PDC: variants seen among roughly 807,000 people sequenced by gnomAD.
PDC encodes the protein phosducin.
A neutral mutation model predicts 22.2 loss-of-function variants in PDC; 19 were observed. The ratio of observed to expected loss-of-function variants is 0.86; its 90% confidence interval spans 0.60 to 1.26. The LOEUF (loss-of-function observed/expected upper bound fraction) is 1.26, where lower values mean the gene tolerates loss of function less well. Among genes scored for constraint, PDC ranks in the 50% most tolerant of loss-of-function variants. The probability of loss-of-function intolerance (pLI) is 0.00; values close to 1 mark genes in which losing one functional copy is unlikely to be tolerated. For missense variants in PDC, 274 were observed against 286.8 expected, an observed-to-expected ratio of 0.96 and a Z score of 0.32; for synonymous variants, 97 against 96.2, an observed-to-expected ratio of 1.01 and a Z score of -0.05.
At chr1:186,446,346 G>T in intron 3 of PDC, 80 bp downstream of exon 3, 1 of 1,111,762 alleles carries the variant, frequency 9.0e-7, no homozygotes, top group Non-Finnish European at 1.3e-6. Context: ...TTTTGTAATA[G>T]TCTAAAGTGA....
Position 186,443,728 on chromosome 1 carries a change from C to A in PDC, c.*251G>T. On this transcript the variant is annotated 3_prime_UTR_variant, in exon 4 of 4. Coordinates refer to ENST00000391997, the MANE Select transcript of PDC (RefSeq NM_002597.5). Reference sequence around the variant, plus strand: ...CTTGAAAGGGATTTTTGAAAAATGTCATAATATTATCCACATCCTCTTTGT... The same window carrying A: ...CTTGAAAGGGATTTTTGAAAAATGTAATAATATTATCCACATCCTCTTTGT... 5.5e-6 allele frequency: 2 copies of A among 364,488 alleles called. No homozygotes were observed. The highest frequency in any genetic ancestry group is 4.2e-5 in the East Asian group (1 of 23,820). The allele number at this position is 364,488 out of a possible 1,614,324, so 22.6% of individuals were successfully genotyped here. A position where few individuals can be genotyped will look rare whatever the true frequency, so the allele number is the denominator to read the frequency against.
intron 1 of PDC, among the ~76,000 whole-genome samples, chr1:186,453,603 A>G (rs1431290695): frequency 6.6e-6 from 1 of 152,204 alleles, no homozygotes; most frequent in Non-Finnish European, 1.5e-5. Flanking sequence ...ATCCACAACA[A>G]CTTATAGCAT....
At position 186,446,509 on chromosome 1, in the gene PDC, G is replaced by A. The variant is rs766144039; in HGVS notation, c.130C>T (p.Pro44Ser). The change falls in exon 3 of 4, where the codon CCT (proline) becomes TCT (serine). Residue 44 changes from proline to serine, a missense_variant. Pro to Ser is a moderately conservative substitution (Grantham distance 74). Coordinates refer to ENST00000391997, the MANE Select transcript of PDC (RefSeq NM_002597.5). Reference sequence around the variant, plus strand: ...TGCCTGAGAATCTCCTTCTTGCTAGGTGGAATTGAATCACTGTCTTGACTC... The same window carrying A: ...TGCCTGAGAATCTCCTTCTTGCTAGATGGAATTGAATCACTGTCTTGACTC... ...LESQDSDSIP[P>S]SKKEILRQMS... is the part of the protein sequence containing the mutation. 3 of 1,602,360 alleles carry A rather than the reference G, an allele frequency of 1.9e-6. No individual in the cohort carries two copies. Among genetic ancestry groups the A allele is most frequent in the South Asian group, 1.1e-5 (1 of 90,268 alleles).
intron 1 of PDC, among the ~76,000 whole-genome samples, chr1:186,450,571 G>A (rs531917748): frequency 6.6e-6 from 1 of 151,872 alleles, no homozygotes; most frequent in Non-Finnish European, 1.5e-5. Context: ...GGCCTCAAGT[G>A]ATCCTCCCAT....
At chr1:186,444,554 C>T (rs1210165842) in intron 3 of PDC, 48 bp from the exon 4 acceptor site, 2 of 1,262,732 alleles carry the variant, frequency 1.6e-6, no homozygotes, top group Admixed American at 2.0e-5. Context: ...AGTTTTATTC[C>T]TTAGATATAC....
At chr1:186,445,820 A>G (rs911829286) in intron 3 of PDC, among the ~76,000 whole-genome samples, 33 of 152,152 alleles carry the variant, frequency 2.2e-4, no homozygotes, top group African/African-American at 7.7e-4. Context: ...TAATAATAAT[A>G]ATATTGTCCC....
chr1:186,455,068 C>G (rs1391675380), intron 1 of PDC, among the ~76,000 whole-genome samples: 3 of 152,104 alleles, frequency 2.0e-5, no homozygotes, highest in Admixed American at 2.0e-4. Flanking sequence ...TCTGCTAGGG[C>G]TGCTATAACG....
chr1:186,459,037 C>T (rs1302684411), intron 1 of PDC, among the ~76,000 whole-genome samples: 1 of 152,198 alleles, frequency 6.6e-6, no homozygotes, highest in African/African-American at 2.4e-5. Flanking sequence ...TGGTGGGTGC[C>T]TGTAGTCCCA....
chr1:186,452,756 A>G (rs1662378382), intron 1 of PDC, among the ~76,000 whole-genome samples: 1 of 152,220 alleles, frequency 6.6e-6, no homozygotes, highest in African/African-American at 2.4e-5. Context: ...TAAAATGACA[A>G]TAGGATTATT....
At chr1:186,453,916 T>G (rs1379746622) in intron 1 of PDC, among the ~76,000 whole-genome samples, 1 of 152,110 alleles carries the variant, frequency 6.6e-6, no homozygotes, top group Non-Finnish European at 1.5e-5. Flanking sequence ...TCTCCAAAAT[T>G]TCTATTTTTT....
chr1:186,452,615 GATAAA>G (rs1188067945), intron 1 of PDC, among the ~76,000 whole-genome samples: 1 of 152,076 alleles, frequency 6.6e-6, no homozygotes, highest in East Asian at 1.9e-4. Context: ...GAGTCTGTTA[GATAAA>G]ATAAAAATAC....
Position 186,444,525 on chromosome 1 carries a change from T to C in PDC, c.214-19A>G, listed in dbSNP as rs747397949. The C allele has an allele frequency of 1.3e-6, 2 of 1,489,214 alleles. No individual in the cohort carries two copies. Among genetic ancestry groups the C allele is most frequent in the Admixed American group, 1.8e-5 (1 of 56,218 alleles). The allele number at this position is 1,489,214 out of a possible 1,614,324, so 92.3% of individuals were successfully genotyped here. ...TGCTCATCTGAGAATAAAGAAATGA[T>C]AGAAATTATTAAGTCAGAAGTTTTA... On this transcript the variant is annotated intron_variant, in intron 3 of 3. Transcript: ENST00000391997.
At chr1:186,456,567 C>T (rs901844634) in intron 1 of PDC, among the ~76,000 whole-genome samples, 1 of 152,116 alleles carries the variant, frequency 6.6e-6, no homozygotes, top group Non-Finnish European at 1.5e-5. Context: ...GTACAAAATG[C>T]AGAAAACATA....
chr1:186,455,668 A>G (rs1228833767), intron 1 of PDC, among the ~76,000 whole-genome samples: 1 of 151,662 alleles, frequency 6.6e-6, no homozygotes, highest in East Asian at 1.9e-4. Context: ...GCCCACAAAA[A>G]TATAGGCCAG....
chr1:186,452,667 TA>T (rs1662376949), intron 1 of PDC, among the ~76,000 whole-genome samples: 1 of 152,234 alleles, frequency 6.6e-6, no homozygotes, highest in South Asian at 2.1e-4. Flanking sequence ...ATCAGTCATT[TA>T]AAAAATATAA....
chr1:186,457,303 T>C (rs887186732), intron 1 of PDC, among the ~76,000 whole-genome samples: 5 of 152,202 alleles, frequency 3.3e-5, no homozygotes, highest in African/African-American at 9.6e-5. Context: ...TCAGATAGGT[T>C]TGACAACACC....
rs1662161599 is a variant in PDC, at chr1:186,443,992, TC to T, written c.727del (p.Glu243LysfsTer17). On this transcript the variant is annotated frameshift_variant, in exon 4 of 4. Transcript: ENST00000391997. LOFTEE classifies it high-confidence loss of function. ...CATAGTGAATCTTCATTCAACATCT[TC>T]TTCTTCTATTTTGGTATGCTCTAGG... The part of the protein sequence containing the change: ...HVLEHTKIEE[E>X]DVE 1 of 1,604,452 alleles carries T rather than the reference TC, an allele frequency of 6.2e-7. No homozygotes were observed. Among genetic ancestry groups the T allele is most frequent in the South Asian group, 1.1e-5 (1 of 90,112 alleles).
In PDC at chr1:186,443,784, T is replaced by C; in HGVS notation, c.*195A>G. On this transcript the variant is annotated 3_prime_UTR_variant, in exon 4 of 4. Transcript: ENST00000391997. ...AATAATGTTGCTGAAGACAGCTCTG[T>C]TTTGTAGTCAAGCATTGTATCAATT... 1 of 547,442 alleles carries C rather than the reference T, an allele frequency of 1.8e-6. No homozygotes were observed. The highest frequency in any genetic ancestry group is 3.2e-6 in the Non-Finnish European group (1 of 309,056). 33.9% of individuals were successfully genotyped at this position (547,442 alleles called of 1,614,324 possible).
At chr1:186,455,687 C>CACT (rs1558131308) in intron 1 of PDC, among the ~76,000 whole-genome samples, 4 of 150,734 alleles carry the variant, frequency 2.7e-5, no homozygotes, top group African/African-American at 9.8e-5. Context: ...AGTGGCCGGG[C>CACT]GCAGTGGCTC....
Sources: gnomAD v4.1 joint callset for allele counts (sites outside exome capture counted in the v4.1 genomes callset) on GRCh38, gnomAD v4.1.1 for gene constraint, MANE v1.5 for transcripts, NCBI Gene and HGNC (gene_info 2026-07-23, HGNC 2026-07-21) for gene names.